FBN1: variants seen among roughly 807,000 people sequenced by gnomAD.
FBN1 encodes the protein fibrillin-1.
Under a neutral mutation model 365.1 loss-of-function variants are expected in FBN1, and 29 were observed. The ratio of observed to expected loss-of-function variants is 0.08; its 90% CI spans 0.06 to 0.11. The LOEUF (loss-of-function observed/expected upper bound fraction) is 0.11. Ranked by LOEUF, FBN1 falls within the 10% of genes least tolerant of loss-of-function variation. The pLI is 1.00. For missense variants in FBN1, 2,476 were observed against 3,703.2 expected, an observed-to-expected ratio of 0.67 and a Z score of 8.60; for synonymous variants, 1,210 against 1,270.5, an observed-to-expected ratio of 0.95 and a Z score of 1.01.
rs760640909 is a variant in FBN1, at chr15:48,465,867, A to G, written c.4748-9T>C. On this transcript the variant is annotated splice_polypyrimidine_tract_variant and intron_variant, in intron 38 of 65. Transcript: ENST00000316623. ...AAGAATTTTGTACTCGGCTATTGAAACAAAAATTCAAATTGAGTTGTTTTG... is the reference window on the plus strand; with the variant it reads ...AAGAATTTTGTACTCGGCTATTGAAGCAAAAATTCAAATTGAGTTGTTTTG... 2.5e-6 allele frequency: 4 copies of G among 1,604,148 alleles called. No individual in the cohort carries two copies. The Admixed American group carries it at 6.7e-5, about 27-fold the overall frequency.
Position 48,465,864 on chromosome 15 carries a change from G to A in FBN1, c.4748-6C>T, listed in dbSNP as rs376611471. The A allele has an allele frequency of 8.1e-6, 13 of 1,607,142 alleles. No individual in the cohort carries two copies. Among genetic ancestry groups the A allele is most frequent in the Admixed American group, 1.7e-5 (1 of 59,978 alleles). On this transcript the variant is annotated splice_region_variant and splice_polypyrimidine_tract_variant and intron_variant, in intron 38 of 65. Coordinates refer to ENST00000316623, the MANE Select transcript of FBN1 (RefSeq NM_000138.5). ...ACAAAGAATTTTGTACTCGGCTATT[G>A]AAACAAAAATTCAAATTGAGTTGTT... is the stretch of plus-strand genomic sequence containing the variant.
chr15:48,449,309 T>C, intron 45 of FBN1, among the ~76,000 whole-genome samples: 1 of 152,222 alleles, frequency 6.6e-6, no homozygotes, highest in East Asian at 1.9e-4. Flanking sequence ...TATATCAAAG[T>C]CAAATCCTAT....
chr15:48,448,672 A>C, intron 46 of FBN1, 96 bp downstream of exon 46: 1 of 1,212,832 alleles, frequency 8.2e-7, no homozygotes, highest in Non-Finnish European at 1.2e-6. Context: ...TAGCAAAAAT[A>C]CTACTAAAAG....
chr15:48,583,980 A>G (rs748820873), intron 6 of FBN1, among the ~76,000 whole-genome samples: 8 of 152,202 alleles, frequency 5.3e-5, no homozygotes, highest in Non-Finnish European at 1.0e-4. Context: ...GTAAAATAAC[A>G]AAACTTCTAA....
intron 2 of FBN1, among the ~76,000 whole-genome samples, chr15:48,628,006 C>A (rs1889916633): frequency 6.6e-6 from 1 of 152,198 alleles, no homozygotes; most frequent in Admixed American, 6.5e-5. Flanking sequence ...GCAGCACCCA[C>A]TGACGAAAAA....
intron 52 of FBN1, 119 bp from the exon 53 acceptor site, chr15:48,437,196 T>G (rs2043080115): frequency 2.6e-6 from 3 of 1,132,086 alleles, no homozygotes; most frequent in Non-Finnish European, 4.0e-6. Context: ...ATAATTGCTA[T>G]CTAAATGAAG....
intron 2 of FBN1, among the ~76,000 whole-genome samples, chr15:48,622,866 A>T (rs1169503080): frequency 1.3e-5 from 2 of 152,070 alleles, no homozygotes; most frequent in Non-Finnish European, 2.9e-5. Context: ...TTTTTATATC[A>T]GCTCTTCCAT....
intron 2 of FBN1, among the ~76,000 whole-genome samples, chr15:48,628,932 T>A (rs1889935944): frequency 6.6e-6 from 1 of 152,062 alleles, no homozygotes; most frequent in South Asian, 2.1e-4. Context: ...TTGAGTTGAA[T>A]CAAGCATCTA....
At position 48,526,030 on chromosome 15, in the gene FBN1, T is replaced by C. The variant is rs1334735577; in HGVS notation, c.988+100A>G. ...TCCAAAAATGTACATTTTACCTCAG[T>C]TGATAAATTATATGTGCTCCTTAAC... On this transcript the variant is annotated intron_variant, in intron 9 of 65. Transcript: ENST00000316623. The C allele has an allele frequency of 3.4e-6, 5 of 1,486,912 alleles. No homozygotes were observed. The African/African-American group carries it at 4.1e-5, about 12-fold the overall frequency. 92.1% of individuals were successfully genotyped at this position (1,486,912 alleles called of 1,614,324 possible).
In FBN1 at chr15:48,490,044, C is replaced by A; in HGVS notation, c.2889G>T (p.Glu963Asp). The change falls in exon 25 of 66, where the codon GAG (glutamate) becomes GAT (aspartate). Residue 963 changes from glutamate to aspartate, a missense_variant. Coordinates refer to ENST00000316623, the MANE Select transcript of FBN1 (RefSeq NM_000138.5). ...CAATAGGCAGGGTGCACTCCTCGTC[C>A]TCGTACCTCAGGAAGCAGGTTTCCA... ...IRLETCFLRY[E>D]DEECTLPIAG... The A allele has an allele frequency of 1.9e-6, 3 of 1,614,162 alleles. No homozygotes were observed. The highest frequency in any genetic ancestry group is 2.5e-6 in the Non-Finnish European group (3 of 1,180,040).
chr15:48,580,931 C>A (rs1258869724), intron 6 of FBN1, among the ~76,000 whole-genome samples: 1 of 152,162 alleles, frequency 6.6e-6, no homozygotes. Flanking sequence ...AAACTGCATG[C>A]ACTTGTATAG....
At chr15:48,566,911 G>GT (rs758563604) in intron 6 of FBN1, among the ~76,000 whole-genome samples, 1 of 152,198 alleles carries the variant, frequency 6.6e-6, no homozygotes, top group African/African-American at 2.4e-5. Flanking sequence ...TGTCTGCATT[G>GT]TTTTTCATAG....
intron 56 of FBN1, among the ~76,000 whole-genome samples, chr15:48,430,104 G>A (rs1267552523): frequency 6.6e-6 from 1 of 152,208 alleles, no homozygotes; most frequent in Non-Finnish European, 1.5e-5. Flanking sequence ...AAAACACACA[G>A]TGGGCTGGCA....
At chr15:48,560,984 G>A (rs1244156964) in intron 6 of FBN1, among the ~76,000 whole-genome samples, 1 of 152,166 alleles carries the variant, frequency 6.6e-6, no homozygotes, top group African/African-American at 2.4e-5. Flanking sequence ...ACTAAGTAAT[G>A]TATTCAGAAA....
intron 6 of FBN1, among the ~76,000 whole-genome samples, chr15:48,584,750 A>G (rs890545464): frequency 2.6e-5 from 4 of 152,218 alleles, no homozygotes; most frequent in African/African-American, 9.6e-5. Flanking sequence ...AAATAAATAA[A>G]TAAAGAATTT....
intron 32 of FBN1, among the ~76,000 whole-genome samples, chr15:48,475,748 A>C (rs1267114244): frequency 6.6e-6 from 1 of 152,228 alleles, no homozygotes; most frequent in Non-Finnish European, 1.5e-5. Flanking sequence ...CAATTAAATG[A>C]TTTGAAAGTG....
intron 16 of FBN1, 134 bp from the exon 17 acceptor site, chr15:48,504,073 C>T (rs767474294): frequency 1.6e-5 from 17 of 1,075,256 alleles, no homozygotes; most frequent in Non-Finnish European, 2.4e-5. Context: ...GATATCGGGG[C>T]TCCATTTGAA....
chr15:48,519,210 G>A (rs932273653), intron 10 of FBN1, among the ~76,000 whole-genome samples: 5 of 152,134 alleles, frequency 3.3e-5, no homozygotes, highest in African/African-American at 1.2e-4. Flanking sequence ...ACTCAGGAAG[G>A]TAAACTTCAT....
chr15:48,503,135 T>C (rs1023653459), intron 17 of FBN1, among the ~76,000 whole-genome samples: 4 of 151,420 alleles, frequency 2.6e-5, no homozygotes, highest in African/African-American at 9.7e-5. Flanking sequence ...TCGTCTCTAC[T>C]AAAAATACAA....
Sources: gnomAD v4.1 joint callset for allele counts (sites outside exome capture counted in the v4.1 genomes callset) on GRCh38, gnomAD v4.1.1 for gene constraint, MANE v1.5 for transcripts, NCBI Gene and HGNC (gene_info 2026-07-23, HGNC 2026-07-21) for gene names.